DEFA4: variants seen among roughly 807,000 people sequenced by gnomAD.
DEFA4 encodes corticostatin.
DEFA4 carries 8 observed loss-of-function variants against 4.4 expected under a neutral mutation model. That is an observed-to-expected ratio of 1.82 (90% CI 1.07 to 3.29). The LOEUF is 3.29. Ranked by LOEUF, DEFA4 falls within the 30% of genes most tolerant of loss-of-function variation. The probability of loss-of-function intolerance (pLI) is 0.00; values close to 1 mark genes in which losing one functional copy is unlikely to be tolerated. For synonymous variants in DEFA4, 77 were observed against 46.5 expected (o/e 1.66, Z -2.67); for missense variants, 216 against 127.0 (o/e 1.70, Z -3.37).
chr8:6,937,673 T>A (rs1300277275), intron 1 of DEFA4, among the ~76,000 whole-genome samples: 1 of 152,104 alleles, frequency 6.6e-6, no homozygotes, highest in Non-Finnish European at 1.5e-5. Context: ...GCTTTGGACA[T>A]TGACGTGAGT....
chr8:6,936,867 G>A lies in DEFA4; in HGVS notation c.33C>T (p.Leu11=), dbSNP rs201946056. 8.1e-6 allele frequency: 13 copies of A among 1,611,254 alleles called. No individual in the cohort carries two copies. The Admixed American group carries it at 1.0e-4, about 12-fold the overall frequency. ...CTGCCCGGACCTGGAGGGCTACCAA[G>A]AGAATAGCAGCGAGGAGGGCGATAA... The part of the protein sequence containing the change: MRIIALLAAI[L]LVALQVRAGP... The change falls in exon 2 of 3, where the codon CTC becomes CTT. Residue 11 remains leucine (L), a synonymous_variant. Coordinates refer to ENST00000297435, the MANE Select transcript of DEFA4 (RefSeq NM_001925.3).
chr8:6,936,044 T>G lies in DEFA4; in HGVS notation c.270A>C (p.Thr90=). ...GTTAATCGACACGCGTGCAGCAGTA[T>G]GTGAAACTCACACCACCAATGAGGC... ...GNCLIGGVSF[T]YCCTRVD Residue 90 remains threonine (T), a synonymous_variant, in exon 3 of 3, where the codon ACA becomes ACC. Coordinates refer to ENST00000297435, the MANE Select transcript of DEFA4 (RefSeq NM_001925.3). 1 of 1,613,904 alleles carries G rather than the reference T, an allele frequency of 6.2e-7. No homozygotes were observed. The highest frequency in any genetic ancestry group is 8.5e-7 in the Non-Finnish European group (1 of 1,179,900).
intron 2 of DEFA4, 68 bp downstream of exon 2, chr8:6,936,660 T>C: frequency 1.4e-6 from 2 of 1,421,984 alleles, no homozygotes; most frequent in African/African-American, 1.4e-5. Context: ...CATTGAGATG[T>C]GATTCCAGAG....
chr8:6,936,057 C>G lies in DEFA4; in HGVS notation c.257G>C (p.Gly86Ala), dbSNP rs373619174. ...ELRVGNCLIG[G>A]VSFTYCCTRV... Reference sequence around the variant, plus strand: ...CGTGCAGCAGTATGTGAAACTCACACCACCAATGAGGCAGTTCCCAACACG... The same window carrying G: ...CGTGCAGCAGTATGTGAAACTCACAGCACCAATGAGGCAGTTCCCAACACG... Residue 86 changes from glycine (G) to alanine (A), a missense_variant, in exon 3 of 3, where the codon GGT becomes GCT. By Grantham distance (60) the Gly-to-Ala change is moderately conservative. Coordinates refer to ENST00000297435, the MANE Select transcript of DEFA4 (RefSeq NM_001925.3). 2 of 1,613,968 alleles carry G rather than the reference C, an allele frequency of 1.2e-6. No individual in the cohort carries two copies. The highest frequency in any genetic ancestry group is 1.7e-6 in the Non-Finnish European group (2 of 1,179,986).
rs769382429 is a variant in DEFA4 at position 6,936,090 on chromosome 8, G to A, written c.224C>T (p.Thr75Ile). 2 of 1,613,920 alleles carry A rather than the reference G, an allele frequency of 1.2e-6. No homozygotes were observed. Among genetic ancestry groups the A allele is most frequent in the Non-Finnish European group, 1.7e-6 (2 of 1,180,030 alleles). Residue 75 changes from threonine to isoleucine, a missense_variant, in exon 3 of 3, where the codon ACA becomes ATA. Thr to Ile is a moderately conservative substitution (Grantham distance 89, BLOSUM62 -1). Transcript: ENST00000297435. ...CSCRLVFCRR[T>I]ELRVGNCLIG... ...GAGGCAGTTCCCAACACGAAGTTCTGTTCGCCGGCAGAATACTAATCTGCA... is the reference window on the plus strand; with the variant it reads ...GAGGCAGTTCCCAACACGAAGTTCTATTCGCCGGCAGAATACTAATCTGCA...
Position 6,935,878 on chromosome 8 carries a change from A to T in DEFA4, c.*142T>A. ...AAAGATGTTAAGGACAAAGTATAGG[A>T]GAAACAACCATTTCCTGTAGCTCTC... On this transcript the variant is annotated 3_prime_UTR_variant, in exon 3 of 3. Transcript: ENST00000297435. 1 of 1,117,934 alleles carries T rather than the reference A, an allele frequency of 8.9e-7. No homozygotes were observed. Among genetic ancestry groups the T allele is most frequent in the Non-Finnish European group, 1.3e-6 (1 of 750,366 alleles). 69.3% of individuals were successfully genotyped at this position (1,117,934 alleles called of 1,614,324 possible).
intron 2 of DEFA4, 99 bp downstream of exon 2, chr8:6,936,629 A>G: frequency 1.5e-6 from 2 of 1,293,404 alleles, no homozygotes; most frequent in Non-Finnish European, 2.1e-6. Flanking sequence ...TGGTAAGTAA[A>G]GCCACCTAAG....
rs906365944 is a variant in DEFA4, at chr8:6,938,247, C to A, written c.-34G>T. The A allele has an allele frequency of 6.6e-6, 1 of 152,154 alleles. No homozygotes were observed. The highest frequency in any genetic ancestry group is 1.5e-5 in the Non-Finnish European group (1 of 68,052). The allele number at this position is 152,154 out of a possible 1,614,324, so 9.4% of individuals were successfully genotyped here. On this transcript the variant is annotated 5_prime_UTR_variant, in exon 1 of 3. Transcript: ENST00000297435. The stretch of plus-strand genomic sequence containing the variant: ...TTACAGATCCTCAAGCTAGGCAGGG[C>A]GAGCAGAGAGGGCAGACAGCAGTCC...
At position 6,935,932 on chromosome 8, in the gene DEFA4, A is replaced by G; in HGVS notation, c.*88T>C. 1.9e-6 allele frequency: 3 copies of G among 1,585,578 alleles called. No homozygotes were observed. Among genetic ancestry groups the G allele is most frequent in the Non-Finnish European group, 2.6e-6 (3 of 1,156,684 alleles). On this transcript the variant is annotated 3_prime_UTR_variant, in exon 3 of 3. Coordinates refer to ENST00000297435, the MANE Select transcript of DEFA4 (RefSeq NM_001925.3). Reference sequence around the variant, plus strand: ...GCAAATTATGAGCTCATTTTTCTCTATTCTGCAAGCTCAGCTGCAGAAGCA... The same window carrying G: ...GCAAATTATGAGCTCATTTTTCTCTGTTCTGCAAGCTCAGCTGCAGAAGCA...
intron 2 of DEFA4, 130 bp downstream of exon 2, chr8:6,936,598 A>G (rs565911418): frequency 9.8e-5 from 87 of 884,840 alleles, no homozygotes; most frequent in Non-Finnish European, 2.1e-5. Flanking sequence ...GTTTGGAGAT[A>G]AGAAAATCGA....
chr8:6,935,820 C>T lies in DEFA4; in HGVS notation c.*200G>A, dbSNP rs1808821815. ...AATTTTAAAGAGGTGTAAACAAAGA[C>T]ATCTTGTTACGAGATATATATTTAG... On this transcript the variant is annotated 3_prime_UTR_variant, in exon 3 of 3. Transcript: ENST00000297435. 3.1e-6 allele frequency: 2 copies of T among 649,372 alleles called. No homozygotes were observed. The highest frequency in any genetic ancestry group is 5.2e-6 in the Non-Finnish European group (2 of 386,014). 40.2% of individuals were successfully genotyped at this position (649,372 alleles called of 1,614,324 possible). A position where few individuals can be genotyped will look rare whatever the true frequency, so the allele number is the denominator to read the frequency against.
chr8:6,936,592 G>C (rs2741680), intron 2 of DEFA4, 136 bp downstream of exon 2: 141,985 of 805,574 alleles, frequency 0.18, 14,261 homozygotes, highest in Non-Finnish European at 0.2. Context: ...TATTCAGTTT[G>C]GAGATAAGAA....
In DEFA4 at chr8:6,936,878, C is replaced by T. The variant is rs28661751; in HGVS notation, c.22G>A (p.Ala8Thr). The change falls in exon 2 of 3, where the codon GCT (alanine) becomes ACT (threonine). Residue 8 changes from alanine to threonine, a missense_variant. Transcript: ENST00000297435. MRIIALL[A>T]AILLVALQVR... is the part of the protein sequence containing the mutation. The stretch of plus-strand genomic sequence containing the variant: ...TGGAGGGCTACCAAGAGAATAGCAG[C>T]GAGGAGGGCGATAATCCTCATGGCT... 5.2e-5 allele frequency: 84 copies of T among 1,608,140 alleles called. 1 individual carries two copies. The highest frequency in any genetic ancestry group is 3.4e-4 in the Middle Eastern group (2 of 5,952).
chr8:6,936,676 C>G (rs1808864653), intron 2 of DEFA4, 52 bp downstream of exon 2: 2 of 1,484,052 alleles, frequency 1.3e-6, no homozygotes, highest in Non-Finnish European at 1.8e-6. Context: ...CAGAGCCCAT[C>G]TCCCATCCGT....
chr8:6,936,608 A>T, intron 2 of DEFA4, 120 bp downstream of exon 2: 1 of 990,252 alleles, frequency 1.0e-6, no homozygotes, highest in Non-Finnish European at 1.4e-6. Context: ...AAGAAAATCG[A>T]GGCCCAGAGA....
At chr8:6,937,868 G>T (rs1414066967) in intron 1 of DEFA4, among the ~76,000 whole-genome samples, 1 of 152,108 alleles carries the variant, frequency 6.6e-6, no homozygotes, top group African/African-American at 2.4e-5. Flanking sequence ...GTAAATATCT[G>T]AATACATAAG....
At chr8:6,936,694 G>C in intron 2 of DEFA4, 34 bp downstream of exon 2, 1 of 1,553,300 alleles carries the variant, frequency 6.4e-7, no homozygotes, top group Non-Finnish European at 8.7e-7. Flanking sequence ...CGTCTCTCTA[G>C]ACTCGGTAGC....
Position 6,936,914 on chromosome 8 carries a change from G to C in DEFA4, c.-12-3C>G. ...ATAATCCTCATGGCTGGGGTGACCT[G>C]GAGGAGGGAGAGCAGGAGCAGCTGT... On this transcript the variant is annotated splice_polypyrimidine_tract_variant and splice_region_variant and intron_variant, in intron 1 of 2. Coordinates refer to ENST00000297435, the MANE Select transcript of DEFA4 (RefSeq NM_001925.3). 6.4e-7 allele frequency: 1 copy of C among 1,572,142 alleles called. No individual in the cohort carries two copies. Among genetic ancestry groups the C allele is most frequent in the Non-Finnish European group, 8.7e-7 (1 of 1,155,902 alleles).
intron 1 of DEFA4, among the ~76,000 whole-genome samples, chr8:6,937,131 G>A (rs749375469): frequency 6.6e-6 from 1 of 152,112 alleles, no homozygotes; most frequent in Non-Finnish European, 1.5e-5. Flanking sequence ...TATGTTTAGT[G>A]TCTGTGCTAG....
Sources: gnomAD v4.1 joint callset for allele counts (sites outside exome capture counted in the v4.1 genomes callset) on GRCh38, gnomAD v4.1.1 for gene constraint, MANE v1.5 for transcripts, NCBI Gene and HGNC (gene_info 2026-07-23, HGNC 2026-07-21) for gene names.